The following PRPS1 variants were observed in gnomAD, a reference collection of about 807,000 sequenced individuals.
The protein encoded by PRPS1 is phosphoribosyl pyrophosphate synthetase 1.
A neutral mutation model predicts 16.9 loss-of-function variants in PRPS1; 1 was observed. The observed-to-expected ratio is 0.06, with a 90% confidence interval of 0.02 to 0.28. The LOEUF is 0.28. Among genes scored for constraint, PRPS1 ranks in the 10% least tolerant of loss-of-function variants. The probability of loss-of-function intolerance (pLI) is 1.00; values close to 1 mark genes in which losing one functional copy is unlikely to be tolerated. For synonymous variants in PRPS1, 70 were observed against 90.2 expected (o/e 0.78, Z 1.27); for missense variants, 47 against 254.0 (o/e 0.19, Z 5.54).
intron 1 of PRPS1, among the ~76,000 whole-genome samples, chrX:107,636,925 A>G (rs370479557): frequency 8.9e-6 from 1 of 111,829 alleles, no homozygotes; most frequent in Non-Finnish European, 1.9e-5. Flanking sequence ...GTGAGATAGA[A>G]GTATGGATCT....
At chrX:107,638,162 C>T (rs112965644) in intron 1 of PRPS1, among the ~76,000 whole-genome samples, 1,177 of 108,836 alleles carry the variant, frequency 0.011, 20 homozygotes, top group African/African-American at 0.037. Flanking sequence ...CAGGCTGGAG[C>T]GCAGTAGCGT....
In PRPS1 at chrX:107,639,143, A is replaced by C. The variant is rs751139553; in HGVS notation, c.123-152A>C. On this transcript the variant is annotated intron_variant, in intron 1 of 6. Transcript: ENST00000372435. ...TTTAGAAAATAATGACAAAGAAAAA[A>C]ATCTGTACATGTTCAATACAGGTGC... is the stretch of plus-strand genomic sequence containing the variant. The C allele has an allele frequency of 1.4e-4, 82 of 578,036 alleles. No individual in the cohort carries two copies. In the South Asian group the frequency reaches 2.2e-3, roughly 16 times the overall value. 47.6% of individuals were successfully genotyped at this position (578,036 alleles called of 1,213,427 possible). A position where few individuals can be genotyped will look rare whatever the true frequency, so the allele number is the denominator to read the frequency against.
At chrX:107,648,752 T>TTTTG (rs1304140100) in intron 6 of PRPS1, among the ~76,000 whole-genome samples, 1 of 110,658 alleles carries the variant, frequency 9.0e-6, no homozygotes, top group South Asian at 3.8e-4. Flanking sequence ...CATAAGGTTT[T>TTTTG]TTTGTTTGTT....
intron 1 of PRPS1, among the ~76,000 whole-genome samples, chrX:107,633,044 T>A (rs967763315): frequency 2.7e-5 from 3 of 112,048 alleles, no homozygotes; most frequent in African/African-American, 9.7e-5. Context: ...AGCCCCACAT[T>A]TTTTAAACAG....
At chrX:107,632,639 G>T (rs1925333071) in intron 1 of PRPS1, among the ~76,000 whole-genome samples, 1 of 112,651 alleles carries the variant, frequency 8.9e-6, no homozygotes, top group South Asian at 3.6e-4. Context: ...ACTAGAGGGA[G>T]AGAACAAGGA....
intron 1 of PRPS1, among the ~76,000 whole-genome samples, chrX:107,634,899 A>C (rs1410565637): frequency 9.6e-6 from 1 of 103,815 alleles, no homozygotes; most frequent in Non-Finnish European, 2.0e-5. Context: ...GAGTGCAATG[A>C]CTTGATCTCG....
In PRPS1 at chrX:107,645,702, G is replaced by A. The variant is rs777240437; in HGVS notation, c.704+352G>A. Among the ~76,000 whole-genome samples the A allele has an allele frequency of 6.3e-5, 7 of 111,314 alleles. No homozygotes were observed. In the South Asian group the frequency reaches 1.5e-3, roughly 24 times the overall value. On this transcript the variant is annotated intron_variant, in intron 5 of 6. Transcript: ENST00000372435. The stretch of plus-strand genomic sequence containing the variant: ...TGATCACCCTGAGTATGCTACATGC[G>A]ATTGTTTTTTGTTTTAATGAGTTAA...
intron 4 of PRPS1, among the ~76,000 whole-genome samples, chrX:107,643,558 T>C (rs1925624200): frequency 9.0e-6 from 1 of 111,661 alleles, no homozygotes; most frequent in Non-Finnish European, 1.9e-5. Flanking sequence ...ATTGAGTGTC[T>C]ATCACTTCTG....
intron 5 of PRPS1, among the ~76,000 whole-genome samples, chrX:107,645,762 A>G (rs770394434): frequency 1.8e-5 from 2 of 111,639 alleles, no homozygotes; most frequent in South Asian, 7.5e-4. Context: ...GTGTGTGCTC[A>G]TATTTTTATT....
intron 3 of PRPS1, 28 bp from the exon 4 acceptor site, chrX:107,642,338 G>A (rs754926002): frequency 2.5e-6 from 3 of 1,210,928 alleles, no homozygotes; most frequent in Non-Finnish European, 3.4e-6. Context: ...GGAAAGTGAA[G>A]CAAAACTGAT....
chrX:107,628,613 AG>A lies in PRPS1; in HGVS notation c.-13del. ...GCCGTGATCGCTTAGTGGAGTGCTTAGGGTAGTTGGCCAGGATGCCGAATAT... is the reference window on the plus strand; with the variant it reads ...GCCGTGATCGCTTAGTGGAGTGCTTAGGTAGTTGGCCAGGATGCCGAATAT... On this transcript the variant is annotated 5_prime_UTR_variant, in exon 1 of 7. Transcript: ENST00000372435. 8.3e-7 allele frequency: 1 copy of A among 1,211,532 alleles called. No homozygotes were observed. Among genetic ancestry groups the A allele is most frequent in the Non-Finnish European group, 1.1e-6 (1 of 895,473 alleles).
At chrX:107,633,145 G>A (rs185204310) in intron 1 of PRPS1, among the ~76,000 whole-genome samples, 95 of 111,172 alleles carry the variant, frequency 8.5e-4, no homozygotes, top group Non-Finnish European at 1.2e-3. Context: ...AGTTTGAGCC[G>A]GGTGCGGTGG....
chrX:107,647,391 G>C (rs768117494), intron 5 of PRPS1, among the ~76,000 whole-genome samples: 46 of 112,285 alleles, frequency 4.1e-4, no homozygotes, highest in African/African-American at 1.5e-3. Flanking sequence ...TGAAAAATTT[G>C]TTTCTGTTAT....
At chrX:107,645,056 C>T (rs926629382) in intron 4 of PRPS1, 121 bp from the exon 5 acceptor site, 17 of 771,091 alleles carry the variant, frequency 2.2e-5, no homozygotes, top group African/African-American at 2.1e-4. Context: ...CCTTGTGATC[C>T]GCCCACCTCA....
intron 1 of PRPS1, among the ~76,000 whole-genome samples, chrX:107,634,278 GA>G (rs1925374352): frequency 9.1e-6 from 1 of 110,093 alleles, no homozygotes; most frequent in Non-Finnish European, 1.9e-5. Context: ...GCAGTGGCGC[GA>G]TCTCGGTTCA....
intron 1 of PRPS1, among the ~76,000 whole-genome samples, chrX:107,630,738 AACACACACAC>A (rs111543861): frequency 3.1e-5 from 3 of 95,938 alleles, no homozygotes; most frequent in South Asian, 4.9e-4. Flanking sequence ...TTATTTAGGA[AACACACACAC>A]ACACACACAC....
intron 3 of PRPS1, among the ~76,000 whole-genome samples, chrX:107,641,432 T>C (rs948451391): frequency 2.7e-5 from 3 of 111,932 alleles, no homozygotes; most frequent in Admixed American, 1.9e-4. Context: ...CTTGGCTCAC[T>C]GCAACCTCTG....
intron 1 of PRPS1, among the ~76,000 whole-genome samples, chrX:107,635,042 C>T (rs766241716): frequency 3.6e-5 from 4 of 110,937 alleles, no homozygotes; most frequent in African/African-American, 6.5e-5. Flanking sequence ...GGGGTTTCAC[C>T]GTGTTAGCCA....
At chrX:107,649,417 TCA>T (rs1483465472) in intron 6 of PRPS1, among the ~76,000 whole-genome samples, 2 of 109,203 alleles carry the variant, frequency 1.8e-5, no homozygotes, top group Non-Finnish European at 3.8e-5. Flanking sequence ...GCGTTTTTTC[TCA>T]GTTAGCATTT....
Sources: gnomAD v4.1 joint callset for allele counts (sites outside exome capture counted in the v4.1 genomes callset) on GRCh38, gnomAD v4.1.1 for gene constraint, MANE v1.5 for transcripts, NCBI Gene and HGNC (gene_info 2026-07-23, HGNC 2026-07-21) for gene names.